The following PHF20 variants were observed in gnomAD, a reference collection of about 807,000 sequenced individuals.
PHF20 encodes glioma-expressed antigen 2.
PHF20 carries 23 observed loss-of-function variants against 113.5 expected under a neutral mutation model. That is an observed-to-expected ratio of 0.20 (90% CI 0.15 to 0.29). The LOEUF (loss-of-function observed/expected upper bound fraction) is 0.29, where lower values mean the gene tolerates loss of function less well. PHF20 is among the 10% of genes least tolerant of loss of function. The pLI is 1.00. For missense variants in PHF20, 943 were observed against 1,219.6 expected (o/e 0.77, Z 3.38); for synonymous variants, 434 against 457.3 (o/e 0.95, Z 0.65).
intron 2 of PHF20, among the ~76,000 whole-genome samples, chr20:35,831,150 T>TCCCTCCCC (rs2042351057): frequency 7.2e-6 from 1 of 139,688 alleles, no homozygotes; most frequent in African/African-American, 2.7e-5. Context: ...TCTTCCTCCC[T>TCCCTCCCC]CCCTCCCTCC....
Position 35,947,708 on chromosome 20 carries a change from A to G in PHF20, c.*81A>G. Reference sequence around the variant, plus strand: ...TTCGCATATTTAAATAAATAAACCTAGCATGCTGAATGCACGTGACACCGA... The same window carrying G: ...TTCGCATATTTAAATAAATAAACCTGGCATGCTGAATGCACGTGACACCGA... On this transcript the variant is annotated 3_prime_UTR_variant, in exon 18 of 18. Coordinates refer to ENST00000374012, the MANE Select transcript of PHF20 (RefSeq NM_016436.5). 1.4e-6 allele frequency: 2 copies of G among 1,427,568 alleles called. No individual in the cohort carries two copies. Among genetic ancestry groups the G allele is most frequent in the Non-Finnish European group, 1.9e-6 (2 of 1,032,206 alleles). 88.4% of individuals were successfully genotyped at this position (1,427,568 alleles called of 1,614,324 possible). A position where few individuals can be genotyped will look rare whatever the true frequency, so the allele number is the denominator to read the frequency against.
chr20:35,871,333 G>T (rs2054417286), intron 8 of PHF20, among the ~76,000 whole-genome samples, 199 bp downstream of exon 8: 2 of 152,134 alleles, frequency 1.3e-5, no homozygotes, highest in Non-Finnish European at 2.9e-5. Flanking sequence ...TGCATTTGTG[G>T]TTGGTTTTGC....
At chr20:35,935,522 G>C (rs567717307) in intron 15 of PHF20, among the ~76,000 whole-genome samples, 1 of 152,114 alleles carries the variant, frequency 6.6e-6, no homozygotes, top group Non-Finnish European at 1.5e-5. Flanking sequence ...ATGTACCACC[G>C]CACCTGGCTA....
At chr20:35,873,412 G>A (rs562370484) in intron 9 of PHF20, among the ~76,000 whole-genome samples, 1 of 146,230 alleles carries the variant, frequency 6.8e-6, no homozygotes, top group African/African-American at 2.5e-5. Context: ...AAATGTAATT[G>A]TTGATATGGT....
chr20:35,907,759 A>G (rs1600914465), intron 10 of PHF20, among the ~76,000 whole-genome samples: 1 of 152,194 alleles, frequency 6.6e-6, no homozygotes, highest in East Asian at 1.9e-4. Flanking sequence ...ATGGCCAAGC[A>G]TGTGGTCAAT....
chr20:35,892,224 A>ATTT (rs780490898), intron 9 of PHF20, among the ~76,000 whole-genome samples: 19 of 102,512 alleles, frequency 1.9e-4, no homozygotes, highest in East Asian at 3.2e-4. Context: ...CGCCTGGCTG[A>ATTT]TTTTTTTTTT....
chr20:35,903,101 A>G (rs1286675484), intron 10 of PHF20, among the ~76,000 whole-genome samples: 1 of 45,674 alleles, frequency 2.2e-5, no homozygotes, highest in Admixed American at 2.0e-4. Context: ...TTTTTGAGTA[A>G]TTGATTTTCT....
At chr20:35,805,067 A>G (rs1040802469) in intron 2 of PHF20, among the ~76,000 whole-genome samples, 1 of 145,052 alleles carries the variant, frequency 6.9e-6, no homozygotes. Flanking sequence ...ATGCCTGGCT[A>G]TTTTTTTTTT....
chr20:35,857,626 C>A (rs1462356654), intron 4 of PHF20, among the ~76,000 whole-genome samples: 2 of 137,230 alleles, frequency 1.5e-5, no homozygotes, highest in African/African-American at 5.6e-5. Flanking sequence ...TGTTGCCTAG[C>A]CTGGAGTGGA....
intron 1 of PHF20, 136 bp downstream of exon 1, chr20:35,772,215 T>A (rs2041070836): frequency 6.6e-6 from 1 of 151,408 alleles, no homozygotes; most frequent in Non-Finnish European, 1.5e-5. Flanking sequence ...GCTCCCCGCC[T>A]GGCCCCGCTC....
chr20:35,859,689 C>T (rs1198424972), intron 5 of PHF20, among the ~76,000 whole-genome samples: 1 of 151,842 alleles, frequency 6.6e-6, no homozygotes, highest in Non-Finnish European at 1.5e-5. Flanking sequence ...TGAGACTAGG[C>T]GCGTGCCACC....
chr20:35,927,879 G>A lies in PHF20; in HGVS notation c.2104G>A (p.Gly702Ser). Residue 702 changes from glycine (G) to serine (S), a missense_variant and splice_region_variant, in exon 14 of 18, where the codon GGT (glycine) becomes AGT (serine). Transcript: ENST00000374012. Reference sequence around the variant, plus strand: ...CTGTTATGTTTGCCAAGACCCTCCAGGTAGAGATTTCTGGAGTCAGGGATA... The same window carrying A: ...CTGTTATGTTTGCCAAGACCCTCCAAGTAGAGATTTCTGGAGTCAGGGATA... Reference protein sequence around the residue: ...YTCYVCQDPPGQRPGFKYWYD... With the variant: ...YTCYVCQDPPSQRPGFKYWYD... 1 of 1,606,166 alleles carries A rather than the reference G, an allele frequency of 6.2e-7. No individual in the cohort carries two copies. Among genetic ancestry groups the A allele is most frequent in the Non-Finnish European group, 8.5e-7 (1 of 1,172,716 alleles).
At chr20:35,875,280 C>T (rs888431801) in intron 9 of PHF20, among the ~76,000 whole-genome samples, 10 of 151,998 alleles carry the variant, frequency 6.6e-5, no homozygotes, top group African/African-American at 2.4e-4. Context: ...CGCCTGTAGT[C>T]CCAGCTACTC....
At chr20:35,775,754 CAAAAAAAA>C (rs11167276) in intron 1 of PHF20, among the ~76,000 whole-genome samples, 93 of 85,496 alleles carry the variant, frequency 1.1e-3, no homozygotes, top group African/African-American at 4.3e-3. Context: ...ACTCTGTCTC[CAAAAAAAA>C]AAAAAAAAAA....
At chr20:35,793,689 C>A (rs1644296512) in intron 1 of PHF20, among the ~76,000 whole-genome samples, 1 of 151,804 alleles carries the variant, frequency 6.6e-6, no homozygotes. Context: ...AATTACTTAT[C>A]TCTGTCAGAA....
At chr20:35,820,113 C>T (rs186490135) in intron 2 of PHF20, among the ~76,000 whole-genome samples, 27 of 152,190 alleles carry the variant, frequency 1.8e-4, no homozygotes, top group Admixed American at 4.6e-4. Flanking sequence ...GCTTTGATCC[C>T]CACGCATGTG....
intron 5 of PHF20, among the ~76,000 whole-genome samples, chr20:35,859,625 A>G (rs1311385158): frequency 7.9e-5 from 12 of 151,658 alleles, no homozygotes; most frequent in Admixed American, 7.9e-4. Flanking sequence ...GCCCACTGCA[A>G]CTTCCCCGCC....
intron 1 of PHF20, among the ~76,000 whole-genome samples, chr20:35,779,455 C>A (rs1322529790): frequency 3.3e-5 from 5 of 151,886 alleles, no homozygotes; most frequent in African/African-American, 1.2e-4. Context: ...CTAGTAGAGA[C>A]CTGATTTTCA....
At chr20:35,774,404 A>T (rs4911519) in intron 1 of PHF20, 133,590 of 152,216 alleles carry the variant, frequency 0.88, 58,675 homozygotes, top group East Asian at 0.91. Flanking sequence ...CAATCCTCAC[A>T]TTAAAATCTG....
Sources: gnomAD v4.1 joint callset for allele counts (sites outside exome capture counted in the v4.1 genomes callset) on GRCh38, gnomAD v4.1.1 for gene constraint, MANE v1.5 for transcripts, NCBI Gene and HGNC (gene_info 2026-07-23, HGNC 2026-07-21) for gene names.